TTC23L: variants seen among roughly 807,000 people sequenced by gnomAD.
The protein encoded by TTC23L is tetratricopeptide repeat domain 23 like, also known as tetratricopeptide repeat protein 23-like.
Under a neutral mutation model 48.1 loss-of-function variants are expected in TTC23L, and 42 were observed. The observed-to-expected ratio is 0.87, with a 90% CI of 0.68 to 1.13. TTC23L has a LOEUF of 1.13. TTC23L is among the 50% of genes most tolerant of loss of function. The probability of loss-of-function intolerance (pLI) is 0.00; values close to 1 mark genes in which losing one functional copy is unlikely to be tolerated. For synonymous variants in TTC23L, 159 were observed against 157.2 expected (o/e 1.01, Z -0.09); for missense variants, 391 against 421.0 (o/e 0.93, Z 0.62).
chr5:34,845,119 G>A (rs1758998939), intron 2 of TTC23L, among the ~76,000 whole-genome samples: 1 of 152,152 alleles, frequency 6.6e-6, no homozygotes, highest in South Asian at 2.1e-4. Flanking sequence ...AACATGAAAG[G>A]AACACTTAGT....
rs192143670 is a variant in TTC23L, at chr5:34,880,600, A to T, written c.1077+292A>T. 207 of 425,504 alleles carry T rather than the reference A, an allele frequency of 4.9e-4. 1 individual carries two copies. The highest frequency in any genetic ancestry group is 2.5e-3 in the African/African-American group (120 of 47,868). 26.4% of individuals were successfully genotyped at this position (425,504 alleles called of 1,614,324 possible). On this transcript the variant is annotated intron_variant, in intron 9 of 10. Coordinates refer to ENST00000505624, the Ensembl canonical transcript of TTC23L. ...GACTCGATATTGATGGCAAAAGAAA[A>T]TTGGCAGCCATATGTTTGCTTCTAA... is the stretch of plus-strand genomic sequence containing the variant.
exon 2 of TTC23L, chr5:34,840,717 G>C (rs1758582043): frequency 6.2e-7 from 1 of 1,613,864 alleles, no homozygotes; most frequent in Non-Finnish European, 8.5e-7. Context: ...CAATGACATC[G>C]ACTGGGATTT....
chr5:34,839,766 A>G (rs1758444127), intron 1 of TTC23L: 1 of 502,988 alleles, frequency 2.0e-6, no homozygotes, highest in Non-Finnish European at 2.6e-6. Flanking sequence ...TTTGGGTTTG[A>G]TTTAAGCGAC....
intron 9 of TTC23L, among the ~76,000 whole-genome samples, chr5:34,889,191 G>C (rs1171169149): frequency 6.6e-6 from 1 of 152,132 alleles, no homozygotes; most frequent in African/African-American, 2.4e-5. Context: ...AACTGAGCTA[G>C]GTCCTATTCA....
intron 4 of TTC23L, among the ~76,000 whole-genome samples, chr5:34,853,517 G>A (rs1759861755): frequency 6.6e-6 from 1 of 152,066 alleles, no homozygotes; most frequent in Non-Finnish European, 1.5e-5. Context: ...GCGACAGAGC[G>A]AGACTCTGTA....
At chr5:34,893,833 AAG>A (rs1290146206) in intron 9 of TTC23L, among the ~76,000 whole-genome samples, 3 of 152,232 alleles carry the variant, frequency 2.0e-5, no homozygotes, top group Admixed American at 2.0e-4. Context: ...GTTTCAATGA[AAG>A]AGAGGCCAGT....
In TTC23L at chr5:34,850,180, T is replaced by C. The variant is rs756210779; in HGVS notation, c.256-5T>C. On this transcript the variant is annotated splice_region_variant and splice_polypyrimidine_tract_variant and intron_variant, in intron 3 of 10. Transcript: ENST00000505624. ...AAAAAGTATAATCACTTCTGTACTC[T>C]ACAGAATACTCAAGCAAACAAGGAG... 4 of 1,613,654 alleles carry C rather than the reference T, an allele frequency of 2.5e-6. No individual in the cohort carries two copies. Among genetic ancestry groups the C allele is most frequent in the Non-Finnish European group, 2.5e-6 (3 of 1,179,728 alleles).
chr5:34,913,462 T>C, the TTC23L span: 2 of 1,493,252 alleles, frequency 1.3e-6, no homozygotes, highest in African/African-American at 2.8e-5. Context: ...ATACTGATCA[T>C]AGTTTACCTG....
Position 34,840,242 on chromosome 5 carries a change from G to T in TTC23L, c.-7-423G>T, listed in dbSNP as rs554799540. Among the ~76,000 whole-genome samples, 18 of 143,190 alleles carry T rather than the reference G, an allele frequency of 1.3e-4. 1 individual carries two copies. In the South Asian group the frequency reaches 2.6e-3, roughly 21 times the overall value. 93.9% of individuals were successfully genotyped at this position (143,190 alleles called of 152,430 possible). On this transcript the variant is annotated intron_variant, in intron 1 of 10. Transcript: ENST00000505624. ...ATTAATTAGTGAAATGACCCCGGGG[G>T]GGGGGGGGAAAGCAGAATTAACCAA...
chr5:34,921,953 G>T, the TTC23L span: 1 of 208,208 alleles, frequency 4.8e-6, no homozygotes, highest in Non-Finnish European at 9.3e-6. Flanking sequence ...GTAATCAGAA[G>T]TGAGACCATT....
At chr5:34,849,117 TGGA>T (rs1561122752) in intron 3 of TTC23L, among the ~76,000 whole-genome samples, 1 of 151,786 alleles carries the variant, frequency 6.6e-6, no homozygotes, top group Non-Finnish European at 1.5e-5. Context: ...AACCAAAGAG[TGGA>T]GGAGGAGAAA....
chr5:34,883,616 A>G (rs754620049), intron 9 of TTC23L: 6 of 152,274 alleles, frequency 3.9e-5, no homozygotes, highest in Non-Finnish European at 8.8e-5. Context: ...ACAACAATTA[A>G]AAGGAATATA....
chr5:34,862,877 C>A (rs775944579), intron 4 of TTC23L, 21 bp from the exon 5 acceptor site: 2 of 1,612,926 alleles, frequency 1.2e-6, no homozygotes, highest in Non-Finnish European at 1.7e-6. Flanking sequence ...CTTCTTGCTC[C>A]TCACCCTCTA....
intron 10 of TTC23L, 137 bp downstream of exon 10, chr5:34,897,012 GA>G (rs74810232): frequency 0.01 from 3,894 of 379,028 alleles, no homozygotes; most frequent in South Asian, 0.018. Flanking sequence ...ATCATTTAAG[GA>G]AAAAAAAAAA....
At chr5:34,896,807 A>G in exon 10 of TTC23L, 1 of 757,432 alleles carries the variant, frequency 1.3e-6, no homozygotes, top group South Asian at 1.4e-5. Context: ...AAGAGAAGCC[A>G]TTCCTGGAAG....
chr5:34,846,083 C>T (rs1759103227), intron 3 of TTC23L, among the ~76,000 whole-genome samples: 1 of 152,096 alleles, frequency 6.6e-6, no homozygotes, highest in South Asian at 2.1e-4. Context: ...ACTTGGGAAG[C>T]TGAGACAGGA....
chr5:34,844,717 A>G (rs1181888038), intron 2 of TTC23L, among the ~76,000 whole-genome samples: 1 of 152,236 alleles, frequency 6.6e-6, no homozygotes, highest in African/African-American at 2.4e-5. Context: ...TAAAATTTCT[A>G]CCGTTGCTCC....
chr5:34,866,009 T>A (rs1182876229), intron 6 of TTC23L, among the ~76,000 whole-genome samples: 1 of 152,226 alleles, frequency 6.6e-6, no homozygotes, highest in Non-Finnish European at 1.5e-5. Context: ...GAAGGAAATG[T>A]AGGCTTATAG....
intron 9 of TTC23L, among the ~76,000 whole-genome samples, chr5:34,894,108 G>C (rs887781744): frequency 3.9e-5 from 6 of 152,238 alleles, no homozygotes; most frequent in East Asian, 1.9e-4. Context: ...GTTGGGAAAA[G>C]TTAATAGAAT....
Sources: allele counts gnomAD v4.1 joint callset (sites outside exome capture counted in the v4.1 genomes callset), GRCh38; gene constraint gnomAD v4.1.1; transcripts MANE v1.5; gene names NCBI Gene and HGNC (gene_info 2026-07-23, HGNC 2026-07-21).